Variants in SLC23A3 observed in about 807,000 individuals in gnomAD.
The protein encoded by SLC23A3 is solute carrier family 23 member 3.
SLC23A3 carries 41 observed loss-of-function variants against 64.7 expected under a neutral mutation model. That is an observed-to-expected ratio of 0.63 (90% CI 0.49 to 0.82). The LOEUF is 0.82. Ranked by LOEUF, SLC23A3 falls within the 40% of genes least tolerant of loss-of-function variation. The pLI is 0.00. For synonymous variants in SLC23A3, 281 were observed against 306.8 expected (o/e 0.92, Z 0.88); for missense variants, 647 against 733.4 (o/e 0.88, Z 1.36).
intron 8 of SLC23A3, 72 bp downstream of exon 8, chr2:219,165,097 C>A: frequency 6.7e-7 from 1 of 1,499,392 alleles, no homozygotes; most frequent in Non-Finnish European, 8.9e-7. Context: ...GGCAATCAAT[C>A]GGTGTAAGTT....
chr2:219,165,518 A>G, intron 7 of SLC23A3, 96 bp from the exon 8 acceptor site: 4 of 1,375,950 alleles, frequency 2.9e-6, no homozygotes, highest in South Asian at 1.4e-5. Flanking sequence ...AGATGCCTCA[A>G]TGTCTTTGAA....
chr2:219,169,460 TC>T lies in SLC23A3; in HGVS notation c.321-55del, dbSNP rs1950040224. On this transcript the variant is annotated intron_variant, in intron 2 of 11. Coordinates refer to ENST00000409878, the MANE Select transcript of SLC23A3 (RefSeq NM_001144889.2). This position sits in a 1 kb window ranked among gnomAD's most constrained non-coding sequence, Gnocchi z 4.5. ...GGGACTATGTGGCAGCCAGCAAGGC[TC>T]CCCCAAACCTCTCCTACCCTCCAGG... The T allele has an allele frequency of 9.9e-6, 16 of 1,613,310 alleles. No homozygotes were observed. The highest frequency in any genetic ancestry group is 5.0e-5 in the Admixed American group (3 of 59,956).
At position 219,166,495 on chromosome 2, in the gene SLC23A3, CTATTTTATTT is replaced by C. The variant is rs542144913; in HGVS notation, c.914-1083_914-1074del. 5.2e-3 allele frequency among the ~76,000 whole-genome samples: 792 copies of C among 151,868 alleles called. 2 individuals carry two copies. The highest frequency in any genetic ancestry group is 0.031 in the Middle Eastern group (9 of 292). On this transcript the variant is annotated intron_variant, in intron 7 of 11. Coordinates refer to ENST00000409878, the MANE Select transcript of SLC23A3 (RefSeq NM_001144889.2). ...TTCAGGTGTGAGCCATGGTGCCTGGCTATTTTATTTTATTTTATTTTATTTATTTTATTTT... is the reference window on the plus strand; with the variant it reads ...TTCAGGTGTGAGCCATGGTGCCTGGCTATTTTATTTTATTTATTTTATTTT...
At chr2:219,168,169 A>C in intron 6 of SLC23A3, 26 bp downstream of exon 6, 1 of 1,611,948 alleles carries the variant, frequency 6.2e-7, no homozygotes, top group African/African-American at 1.3e-5. Context: ...TCTGACCTCT[A>C]CTGCCCTGCC....
In SLC23A3 at chr2:219,169,466, A is replaced by C; in HGVS notation, c.320+55T>G. The C allele has an allele frequency of 6.2e-7, 1 of 1,613,608 alleles. No individual in the cohort carries two copies. Among genetic ancestry groups the C allele is most frequent in the Non-Finnish European group, 8.5e-7 (1 of 1,179,682 alleles). Reference sequence around the variant, plus strand: ...ATGTGGCAGCCAGCAAGGCTCCCCCAAACCTCTCCTACCCTCCAGGACTCT... The same window carrying C: ...ATGTGGCAGCCAGCAAGGCTCCCCCCAACCTCTCCTACCCTCCAGGACTCT... On this transcript the variant is annotated intron_variant, in intron 2 of 11. Transcript: ENST00000409878. This position sits in a 1 kb window ranked among gnomAD's most constrained non-coding sequence, Gnocchi z 4.5.
In SLC23A3 at chr2:219,168,247, C is replaced by T. The variant is rs1055456847; in HGVS notation, c.746G>A (p.Arg249Gln). Residue 249 changes from arginine to glutamine, a missense_variant, in exon 6 of 12, where the codon CGA becomes CAA. By Grantham distance (43) the Arg-to-Gln change is conservative. Coordinates refer to ENST00000409878, the MANE Select transcript of SLC23A3 (RefSeq NM_001144889.2). ...AGTGTGAGTTGATGACGTTGAAGCT[C>T]GCCTCCAGGGGCACACATGAAACTG... ...SCQFHVCPWR[R>Q]ASTSSTHTPL... 5.6e-6 allele frequency: 9 copies of T among 1,613,962 alleles called. No homozygotes were observed. Among genetic ancestry groups the T allele is most frequent in the African/African-American group, 1.3e-5 (1 of 74,984 alleles).
intron 8 of SLC23A3, chr2:219,164,585 AG>A: frequency 4.8e-6 from 2 of 414,510 alleles, no homozygotes; most frequent in Non-Finnish European, 8.7e-6. Context: ...TTTGAGATGG[AG>A]TCTCGCTCTG....
intron 4 of SLC23A3, 55 bp from the exon 5 acceptor site, chr2:219,168,888 C>T: frequency 2.6e-6 from 4 of 1,560,902 alleles, no homozygotes; most frequent in Admixed American, 1.8e-5. Context: ...TCAAACTGGC[C>T]TCAGCCTGGT....
chr2:219,166,064 C>T (rs1317065247), intron 7 of SLC23A3, among the ~76,000 whole-genome samples: 3 of 151,238 alleles, frequency 2.0e-5, no homozygotes, highest in Admixed American at 6.6e-5. Flanking sequence ...ACCCGGAAGG[C>T]GGAGGTGCAG....
chr2:219,168,327 CAG>C lies in SLC23A3; in HGVS notation c.675-11_675-10del. Reference sequence around the variant, plus strand: ...CCATGAGCAGGATAACCCTAGGAGACAGAAGGCTTTAGGAGCAAGAGGCAGTG... The same window carrying C: ...CCATGAGCAGGATAACCCTAGGAGACAAGGCTTTAGGAGCAAGAGGCAGTG... On this transcript the variant is annotated splice_polypyrimidine_tract_variant and intron_variant, in intron 5 of 11. Transcript: ENST00000409878. 6.3e-7 allele frequency: 1 copy of C among 1,587,328 alleles called. No individual in the cohort carries two copies. Among genetic ancestry groups the C allele is most frequent in the African/African-American group, 1.4e-5 (1 of 74,066 alleles).
rs1216530593 is a variant in SLC23A3, at chr2:219,168,691, A to G, written c.635T>C (p.Val212Ala). Residue 212 changes from valine to alanine, a missense_variant, in exon 5 of 12, where the codon GTA (valine) becomes GCA (alanine). Physicochemically the swap from Val to Ala is moderately conservative, Grantham distance 64. Coordinates refer to ENST00000409878, the MANE Select transcript of SLC23A3 (RefSeq NM_001144889.2). Reference protein sequence around the residue: ...VVAGLSAHREVAQFCFTHWGL... With the variant: ...VVAGLSAHREAAQFCFTHWGL... ...CCAGTGTGTGAAGCAGAACTGGGCT[A>G]CCTCCCTGTGGGCAGAGAGCCCTGC... The G allele has an allele frequency of 2.5e-6, 4 of 1,613,392 alleles. 1 individual carries two copies. The South Asian group carries it at 4.4e-5, about 18-fold the overall frequency.
At position 219,169,121 on chromosome 2, in the gene SLC23A3, A is replaced by G. The variant is rs1950035486; in HGVS notation, c.419-19T>C. ...AGGGAGGCTAGGAAAAGTTTGGGGC[A>G]TGGAGAAGAGAAGGGTGAATGGAAT... is the stretch of plus-strand genomic sequence containing the variant. On this transcript the variant is annotated intron_variant, in intron 3 of 11. Coordinates refer to ENST00000409878, the MANE Select transcript of SLC23A3 (RefSeq NM_001144889.2). This position sits in a 1 kb window ranked among gnomAD's most constrained non-coding sequence, Gnocchi z 4.5. 6.2e-7 allele frequency: 1 copy of G among 1,612,986 alleles called. No individual in the cohort carries two copies. The highest frequency in any genetic ancestry group is 8.5e-7 in the Non-Finnish European group (1 of 1,179,064).
chr2:219,163,680 T>C, intron 9 of SLC23A3, 125 bp from the exon 10 acceptor site: 1 of 908,986 alleles, frequency 1.1e-6, no homozygotes, highest in East Asian at 2.6e-5. Context: ...GATTTTTGTT[T>C]TTTTTGTTTT....
intron 7 of SLC23A3, among the ~76,000 whole-genome samples, chr2:219,165,913 C>T (rs1574759495): frequency 6.6e-6 from 1 of 152,178 alleles, no homozygotes; most frequent in Admixed American, 6.6e-5. Context: ...GCAGGTGGCT[C>T]ACCTGAGGTC....
chr2:219,169,062 A>G lies in SLC23A3; in HGVS notation c.459T>C (p.His153=). ...GAGAAGTGTTCCAGTGCCCCAGGCC[A>G]TGGCAGCTAGGTCCCCTACAAAGGT... The part of the protein sequence containing the change: ...MLHLCRGPSC[H]GLGHWNTSLQ... The change falls in exon 4 of 12, where the codon CAT becomes CAC. Residue 153 remains histidine (H), a synonymous_variant. Coordinates refer to ENST00000409878, the MANE Select transcript of SLC23A3 (RefSeq NM_001144889.2). The surrounding 1 kb of genome is among the most constrained non-coding windows in gnomAD (Gnocchi z 4.5). 1 of 1,614,126 alleles carries G rather than the reference A, an allele frequency of 6.2e-7. No individual in the cohort carries two copies. The highest frequency in any genetic ancestry group is 8.5e-7 in the Non-Finnish European group (1 of 1,180,024).
At chr2:219,164,478 AAC>A in intron 8 of SLC23A3, 140 bp from the exon 9 acceptor site, 1 of 606,054 alleles carries the variant, frequency 1.7e-6, no homozygotes, top group East Asian at 2.9e-5. Flanking sequence ...AGTCTATCTA[AAC>A]GTGCCTCCTT....
At position 219,169,192 on chromosome 2, in the gene SLC23A3, C is replaced by G. The variant is rs530256842; in HGVS notation, c.419-90G>C. ...TCCCACTCCTGGCACAGGTCCAAGCCCCCTATAGTGTCACAGTCTCACCAC... is the reference window on the plus strand; with the variant it reads ...TCCCACTCCTGGCACAGGTCCAAGCGCCCTATAGTGTCACAGTCTCACCAC... On this transcript the variant is annotated intron_variant, in intron 3 of 11. Coordinates refer to ENST00000409878, the MANE Select transcript of SLC23A3 (RefSeq NM_001144889.2). The surrounding 1 kb of genome is among the most constrained non-coding windows in gnomAD (Gnocchi z 4.5). The G allele has an allele frequency of 1.2e-6, 2 of 1,606,842 alleles. No homozygotes were observed. The highest frequency in any genetic ancestry group is 3.3e-5 in the Admixed American group (2 of 59,854).
chr2:219,167,588 CAAAAAAAAAAA>C (rs34130254), intron 7 of SLC23A3, among the ~76,000 whole-genome samples: 2 of 61,082 alleles, frequency 3.3e-5, no homozygotes, highest in African/African-American at 6.8e-5. Flanking sequence ...CCTGTCTCTA[CAAAAAAAAAAA>C]AAAAAAAAAA....
Position 219,168,250 on chromosome 2 carries a change from C to T in SLC23A3, c.743G>A (p.Arg248Lys), listed in dbSNP as rs562868152. The T allele has an allele frequency of 4.3e-6, 7 of 1,613,970 alleles. No homozygotes were observed. The highest frequency in any genetic ancestry group is 1.7e-4 in the Middle Eastern group (1 of 6,060). ...GSCQFHVCPW[R>K]RASTSSTHTP... ...GTGAGTTGATGACGTTGAAGCTCGC[C>T]TCCAGGGGCACACATGAAACTGGCA... The change falls in exon 6 of 12, where the codon AGG becomes AAG. Residue 248 changes from arginine to lysine, a missense_variant. Physicochemically the swap from Arg to Lys is conservative, Grantham distance 26. Transcript: ENST00000409878.
Sources: allele counts gnomAD v4.1 joint callset (sites outside exome capture counted in the v4.1 genomes callset), GRCh38; gene constraint gnomAD v4.1.1; non-coding constraint Gnocchi (gnomAD v3.1); transcripts MANE v1.5; gene names NCBI Gene and HGNC (gene_info 2026-07-23, HGNC 2026-07-21).